CECR2: variants seen among roughly 807,000 people sequenced by gnomAD.
CECR2 encodes chromatin remodeling regulator CECR2.
CECR2 carries 30 observed loss-of-function variants against 154.5 expected under a neutral mutation model. That is an observed-to-expected ratio of 0.19 (90% CI 0.15 to 0.26). The LOEUF (loss-of-function observed/expected upper bound fraction) is 0.26. Among genes scored for constraint, CECR2 ranks in the 10% least tolerant of loss-of-function variants. The pLI, the probability that CECR2 is intolerant of heterozygous loss-of-function variation, is 1.00. For synonymous variants in CECR2, 725 were observed against 683.7 expected, an observed-to-expected ratio of 1.06 and a Z score of -0.94; for missense variants, 1,743 against 1,829.3, an observed-to-expected ratio of 0.95 and a Z score of 0.86.
chr22:17,474,365 G>C (rs1179262710), intron 1 of CECR2, among the ~76,000 whole-genome samples: 1 of 152,180 alleles, frequency 6.6e-6, no homozygotes, highest in Non-Finnish European at 1.5e-5. Flanking sequence ...TGGTGAAATG[G>C]GGAATATGGT....
chr22:17,511,232 T>TA (rs2055945525), intron 7 of CECR2, among the ~76,000 whole-genome samples: 1 of 152,238 alleles, frequency 6.6e-6, no homozygotes, highest in African/African-American at 2.4e-5. Flanking sequence ...GTAACCTAGA[T>TA]ACAAGTAGTT....
At chr22:17,419,836 T>A in intron 1 of CECR2, 1 of 282,868 alleles carries the variant, frequency 3.5e-6, no homozygotes, top group Non-Finnish European at 6.9e-6. Flanking sequence ...ATTAGAGGAT[T>A]GAGTTTCGAA....
Position 17,543,036 on chromosome 22 carries a change from C to T in CECR2, c.2860+33C>T, listed in dbSNP as rs531717603. ...ACACTGTCACTTTGGGCTCTTTAAGCTCTTGTTTCATGAGTAATCTTTTTA... is the reference window on the plus strand; with the variant it reads ...ACACTGTCACTTTGGGCTCTTTAAGTTCTTGTTTCATGAGTAATCTTTTTA... On this transcript the variant is annotated intron_variant, in intron 16 of 18. Transcript: ENST00000262608. 2.8e-5 allele frequency: 43 copies of T among 1,555,648 alleles called. 1 individual carries two copies. In the South Asian group the frequency reaches 4.6e-4, roughly 17 times the overall value.
intron 1 of CECR2, among the ~76,000 whole-genome samples, chr22:17,453,335 G>A (rs1470785587): frequency 3.3e-5 from 5 of 152,108 alleles, no homozygotes; most frequent in South Asian, 4.1e-4. Flanking sequence ...CCAGCTACTC[G>A]GGAAGCTGAG....
chr22:17,490,147 T>TGTGTGTG lies in CECR2; in HGVS notation c.222-7256_222-7255insGTGTGTG, dbSNP rs1555917191. On this transcript the variant is annotated intron_variant, in intron 2 of 18. Coordinates refer to ENST00000262608, the MANE Select transcript of CECR2 (RefSeq NM_001290047.2). ...AGATCTGTTCCTTACTGTTTTTTTT[T>TGTGTGTG]TGTGTGTGTGTGTGTGTGTGTTTGG... 2.7e-3 allele frequency among the ~76,000 whole-genome samples: 410 copies of TGTGTGTG among 149,780 alleles called. 1 individual carries two copies. The highest frequency in any genetic ancestry group is 0.01 in the Middle Eastern group (3 of 292).
chr22:17,480,128 G>T (rs1356908231), intron 2 of CECR2, among the ~76,000 whole-genome samples: 1 of 151,800 alleles, frequency 6.6e-6, no homozygotes, highest in African/African-American at 2.4e-5. Context: ...AGAGTTTATT[G>T]GCCTTGATTT....
At chr22:17,388,515 A>G (rs2063291082) in intron 1 of CECR2, among the ~76,000 whole-genome samples, 1 of 152,162 alleles carries the variant, frequency 6.6e-6, no homozygotes, top group South Asian at 2.1e-4. Flanking sequence ...TGGTAAATGA[A>G]TTGAACAGTA....
At chr22:17,536,057 T>G (rs2056432627) in intron 9 of CECR2, among the ~76,000 whole-genome samples, 1 of 152,130 alleles carries the variant, frequency 6.6e-6, no homozygotes, top group Non-Finnish European at 1.5e-5. Context: ...GAGACCAGCC[T>G]GACCAACATG....
chr22:17,432,223 C>G (rs2054435990), intron 1 of CECR2, among the ~76,000 whole-genome samples: 1 of 152,198 alleles, frequency 6.6e-6, no homozygotes. Context: ...ATCACACAGC[C>G]CTACTGTGGC....
chr22:17,429,243 G>A (rs2054381829), intron 1 of CECR2, among the ~76,000 whole-genome samples: 1 of 151,868 alleles, frequency 6.6e-6, no homozygotes, highest in African/African-American at 2.4e-5. Flanking sequence ...GTAAATATGT[G>A]GTAGAATTAA....
intron 7 of CECR2, among the ~76,000 whole-genome samples, chr22:17,508,012 G>C (rs970576006): frequency 2.6e-5 from 4 of 152,134 alleles, no homozygotes; most frequent in African/African-American, 7.2e-5. Context: ...AAGCTACTCT[G>C]TTCGTTCTGA....
chr22:17,502,231 C>A (rs1219829876), intron 5 of CECR2, among the ~76,000 whole-genome samples: 3 of 152,166 alleles, frequency 2.0e-5, no homozygotes, highest in Non-Finnish European at 2.9e-5. Context: ...TTCCTGAGGT[C>A]ACATTGTAAG....
intron 1 of CECR2, among the ~76,000 whole-genome samples, chr22:17,428,043 A>G (rs1276357667): frequency 6.6e-6 from 1 of 152,116 alleles, no homozygotes; most frequent in Non-Finnish European, 1.5e-5. Context: ...ATGGTATCTC[A>G]TTGTGGTTTT....
upstream of CECR2, among the ~76,000 whole-genome samples, chr22:17,364,516 A>T (rs1306692696): frequency 2.6e-5 from 4 of 152,122 alleles, no homozygotes; most frequent in Non-Finnish European, 2.9e-5. Context: ...AGGGCAATTT[A>T]AATAGAAGAG....
chr22:17,462,393 A>G (rs919042182), intron 1 of CECR2, among the ~76,000 whole-genome samples: 3 of 152,034 alleles, frequency 2.0e-5, no homozygotes, highest in Admixed American at 2.0e-4. Flanking sequence ...TAAAGATCTT[A>G]AGATAATACT....
In CECR2 at chr22:17,439,842, C is replaced by T. The variant is rs79900859; in HGVS notation, c.127-37746C>T. The stretch of plus-strand genomic sequence containing the variant: ...TAAAATGGAGAACAGAGTGAAAGCC[C>T]GTCATTAGCGGGGTGGCTGAATAGG... On this transcript the variant is annotated intron_variant, in intron 1 of 18. Coordinates refer to ENST00000262608, the MANE Select transcript of CECR2 (RefSeq NM_001290047.2). Among the ~76,000 whole-genome samples the T allele has an allele frequency of 4.2e-3, 635 of 152,146 alleles. 5 individuals carry two copies. The highest frequency in any genetic ancestry group is 0.014 in the African/African-American group (600 of 41,530).
intron 8 of CECR2, among the ~76,000 whole-genome samples, chr22:17,517,800 C>T (rs974774348): frequency 1.1e-4 from 16 of 152,142 alleles, no homozygotes; most frequent in Non-Finnish European, 2.1e-4. Flanking sequence ...TCTTGCACAC[C>T]GAAGTCATCG....
At chr22:17,510,671 G>A (rs180762196) in intron 7 of CECR2, among the ~76,000 whole-genome samples, 16 of 152,096 alleles carry the variant, frequency 1.1e-4, no homozygotes, top group Admixed American at 2.0e-4. Flanking sequence ...GCATGATGTC[G>A]GCTCACTGCA....
chr22:17,527,167 T>C (rs2056279333), intron 9 of CECR2, among the ~76,000 whole-genome samples: 1 of 152,220 alleles, frequency 6.6e-6, no homozygotes, highest in Non-Finnish European at 1.5e-5. Context: ...GTCATACAAA[T>C]GCAGACGAGG....
Sources: gnomAD v4.1 joint callset for allele counts (sites outside exome capture counted in the v4.1 genomes callset) on GRCh38, gnomAD v4.1.1 for gene constraint, MANE v1.5 for transcripts, NCBI Gene and HGNC (gene_info 2026-07-23, HGNC 2026-07-21) for gene names.